The following USP30 variants were observed in gnomAD, a reference collection of about 807,000 sequenced individuals.
The protein encoded by USP30 is ubiquitin carboxyl-terminal hydrolase 30.
Under a neutral mutation model 68.2 loss-of-function variants are expected in USP30, and 41 were observed. That is an observed-to-expected ratio of 0.60 (90% CI 0.47 to 0.78). The LOEUF is 0.78. Among genes scored for constraint, USP30 ranks in the 30% least tolerant of loss-of-function variants. The pLI is 0.00. For missense variants in USP30, 522 were observed against 649.4 expected, an observed-to-expected ratio of 0.80 and a Z score of 2.13; for synonymous variants, 229 against 253.7, an observed-to-expected ratio of 0.90 and a Z score of 0.93.
At chr12:109,081,630 C>T (rs1308367216) in intron 8 of USP30, 3 of 402,066 alleles carry the variant, frequency 7.5e-6, no homozygotes, top group East Asian at 3.5e-5. Context: ...CGCGCACACA[C>T]ACACACACAC....
At chr12:109,024,862 A>T (rs751579792) in exon 2 of USP30, 5 of 152,176 alleles carry the variant, frequency 3.3e-5, no homozygotes, top group Non-Finnish European at 5.9e-5. Flanking sequence ...CTCGTGATCC[A>T]CCTGCCTTGG....
At chr12:109,038,050 G>C (rs895023001) in intron 3 of USP30, among the ~76,000 whole-genome samples, 4 of 151,852 alleles carry the variant, frequency 2.6e-5, no homozygotes, top group African/African-American at 7.3e-5. Flanking sequence ...ACATGTGCAG[G>C]ATATGCAGGT....
chr12:109,080,779 A>G (rs1023222001), intron 7 of USP30, among the ~76,000 whole-genome samples: 1 of 152,228 alleles, frequency 6.6e-6, no homozygotes, highest in African/African-American at 2.4e-5. Context: ...GTTTTTAGAT[A>G]CACAAGTACT....
chr12:109,058,292 C>CG (rs34308344), intron 3 of USP30, among the ~76,000 whole-genome samples, 184 bp downstream of exon 3: 2 of 152,002 alleles, frequency 1.3e-5, no homozygotes, highest in Non-Finnish European at 2.9e-5. Flanking sequence ...AGATGGAGGC[C>CG]GGGTGCAGTG....
rs762051136 is a variant in USP30 at position 109,085,060 on chromosome 12, G to T, written c.1276G>T (p.Val426Phe). Residue 426 changes from valine to phenylalanine, a missense_variant, in exon 12 of 13, where the codon GTT (valine) becomes TTT (phenylalanine). Transcript: ENST00000257548. ...SAPMPFPLPV[V>F]PDYSSSTYLF... ...GCCGATGCCCTTCCCTCTCCCAGTT[G>T]TTCCCGACTACAGGTGAGCCACCCT... 1 of 1,590,818 alleles carries T rather than the reference G, an allele frequency of 6.3e-7. No individual in the cohort carries two copies. Among genetic ancestry groups the T allele is most frequent in the South Asian group, 1.1e-5 (1 of 87,216 alleles).
chr12:109,085,772 C>T lies in USP30; in HGVS notation c.1395C>T (p.Asn465=), dbSNP rs1312008303. The stretch of plus-strand genomic sequence containing the variant: ...GACGGTCCCCACCTTCTGCCAGGAA[C>T]CCTCTCTCAACTAGCAATCAGTGGC... ...TYRRSPPSAR[N]PLSTSNQWLW... The change falls in exon 13 of 13, where the codon AAC becomes AAT. Residue 465 remains asparagine (N), a synonymous_variant. Coordinates refer to ENST00000257548, the MANE Select transcript of USP30 (RefSeq NM_032663.5). 6.2e-7 allele frequency: 1 copy of T among 1,614,234 alleles called. No homozygotes were observed. Among genetic ancestry groups the T allele is most frequent in the South Asian group, 1.1e-5 (1 of 91,086 alleles).
chr12:109,048,520 A>C (rs111675091), upstream of USP30, among the ~76,000 whole-genome samples: 178 of 151,950 alleles, frequency 1.2e-3, no homozygotes, highest in African/African-American at 4.1e-3. Context: ...ATCTTGATTC[A>C]CCTGAGGTCA....
intron 7 of USP30, among the ~76,000 whole-genome samples, chr12:109,076,880 C>CG (rs1415851258): frequency 2.0e-5 from 3 of 151,640 alleles, no homozygotes; most frequent in African/African-American, 7.3e-5. Context: ...TACAGGCGCC[C>CG]GCCACCACGC....
chr12:109,043,760 C>G (rs537045435), intron 3 of USP30, among the ~76,000 whole-genome samples: 1 of 152,124 alleles, frequency 6.6e-6, no homozygotes, highest in South Asian at 2.1e-4. Flanking sequence ...TTTTGCGCAT[C>G]AAAAGACACT....
chr12:109,037,206 C>T (rs1299839923), intron 3 of USP30, among the ~76,000 whole-genome samples: 6 of 152,084 alleles, frequency 3.9e-5, no homozygotes, highest in South Asian at 4.2e-4. Flanking sequence ...CTGTTGTGCT[C>T]GCTAGTGAAT....
upstream of USP30, among the ~76,000 whole-genome samples, chr12:109,050,130 C>T (rs1045525647): frequency 6.6e-6 from 1 of 152,128 alleles, no homozygotes; most frequent in Non-Finnish European, 1.5e-5. Context: ...CCTGTCTCTA[C>T]TAAAAATACA....
At chr12:109,053,916 A>G (rs2040756127) in intron 1 of USP30, 2 of 440,408 alleles carry the variant, frequency 4.5e-6, no homozygotes, top group African/African-American at 4.0e-5. Context: ...ACCTGGGGAG[A>G]CAGACAGGCA....
intron 7 of USP30, among the ~76,000 whole-genome samples, chr12:109,080,887 G>A (rs2041777009): frequency 1.3e-5 from 2 of 152,220 alleles, no homozygotes; most frequent in African/African-American, 4.8e-5. Context: ...GCCTAGGTGT[G>A]TAGTAGGCTG....
intron 3 of USP30, among the ~76,000 whole-genome samples, chr12:109,036,167 A>C (rs759517107): frequency 2.0e-5 from 3 of 152,190 alleles, no homozygotes; most frequent in Non-Finnish European, 4.4e-5. Flanking sequence ...CTCAAAAAAT[A>C]TGTATATATT....
intron 3 of USP30, among the ~76,000 whole-genome samples, chr12:109,062,697 C>G (rs2041115157): frequency 6.6e-6 from 1 of 152,038 alleles, no homozygotes; most frequent in Admixed American, 6.6e-5. Flanking sequence ...ATATCCTTTG[C>G]CTACTTTTTA....
upstream of USP30, chr12:109,052,374 A>C: frequency 3.8e-6 from 1 of 263,390 alleles, no homozygotes. Context: ...TGCCATCTGT[A>C]TTTATGAATG....
chr12:109,081,611 G>T, intron 8 of USP30: 1 of 540,894 alleles, frequency 1.8e-6, no homozygotes. Flanking sequence ...GAATACACAC[G>T]CACGCATGCG....
chr12:109,052,346 G>A (rs901041344), upstream of USP30: 20 of 206,294 alleles, frequency 9.7e-5, no homozygotes, highest in African/African-American at 4.1e-4. Context: ...TCATGACCCA[G>A]GGTCCATCCT....
At chr12:109,044,761 A>T (rs1182317065) in intron 3 of USP30, among the ~76,000 whole-genome samples, 1 of 152,216 alleles carries the variant, frequency 6.6e-6, no homozygotes, top group Non-Finnish European at 1.5e-5. Flanking sequence ...ATTCTTCTAC[A>T]TATGTGATAC....
Sources: allele counts gnomAD v4.1 joint callset (sites outside exome capture counted in the v4.1 genomes callset), GRCh38; gene constraint gnomAD v4.1.1; transcripts MANE v1.5; gene names NCBI Gene and HGNC (gene_info 2026-07-23, HGNC 2026-07-21).